CTNNA3: variants seen among roughly 807,000 people sequenced by gnomAD.
CTNNA3 encodes the protein catenin alpha 3, also known as catenin alpha-3.
A neutral mutation model predicts 95.7 loss-of-function variants in CTNNA3; 76 were observed. That is an observed-to-expected ratio of 0.79 (90% confidence interval 0.66 to 0.96). CTNNA3 has a LOEUF of 0.96. Ranked by LOEUF, CTNNA3 falls within the 40% of genes least tolerant of loss-of-function variation. CTNNA3 has a pLI of 0.00. For missense variants in CTNNA3, 1,191 were observed against 1,089.8 expected, an observed-to-expected ratio of 1.09 and a Z score of -1.31; for synonymous variants, 431 against 374.4, an observed-to-expected ratio of 1.15 and a Z score of -1.74.
At chr10:65,952,863 C>A (rs901293814) in intron 17 of CTNNA3, among the ~76,000 whole-genome samples, 2 of 152,114 alleles carry the variant, frequency 1.3e-5, no homozygotes, top group African/African-American at 4.8e-5. Flanking sequence ...TATTTATCAT[C>A]CAGTTTTTTA....
chr10:67,699,739 T>C (rs1443326290), upstream of CTNNA3, among the ~76,000 whole-genome samples: 1 of 152,102 alleles, frequency 6.6e-6, no homozygotes, highest in Non-Finnish European at 1.5e-5. Context: ...AGGTACCAGG[T>C]TCATCTCACT....
chr10:66,939,624 T>C (rs1261497454), intron 7 of CTNNA3, among the ~76,000 whole-genome samples: 1 of 152,204 alleles, frequency 6.6e-6, no homozygotes, highest in East Asian at 1.9e-4. Context: ...AATTACAATT[T>C]GTAAGGTAGG....
At chr10:67,036,348 C>T (rs1447637257) in intron 7 of CTNNA3, among the ~76,000 whole-genome samples, 3 of 151,496 alleles carry the variant, frequency 2.0e-5, no homozygotes, top group Non-Finnish European at 4.4e-5. Flanking sequence ...CGGCTCACTG[C>T]AATCTCTCCC....
intron 7 of CTNNA3, among the ~76,000 whole-genome samples, chr10:66,785,481 CCAG>C (rs1287983445): frequency 5.9e-5 from 9 of 152,258 alleles, no homozygotes; most frequent in African/African-American, 2.2e-4. Context: ...TCTCTCTTCT[CCAG>C]CTGTGACATG....
chr10:67,728,276 A>C (rs1841255454), intron 1 of CTNNA3, among the ~76,000 whole-genome samples: 1 of 149,064 alleles, frequency 6.7e-6, no homozygotes, highest in Non-Finnish European at 1.5e-5. Flanking sequence ...CAACATGGTG[A>C]AACCCCATCT....
At chr10:66,659,526 C>T (rs991906571) in intron 9 of CTNNA3, among the ~76,000 whole-genome samples, 3 of 152,012 alleles carry the variant, frequency 2.0e-5, no homozygotes, top group African/African-American at 4.8e-5. Flanking sequence ...ATTTAAATGC[C>T]GAAAGTGGAG....
At chr10:66,597,329 A>G (rs1229319208) in intron 10 of CTNNA3, among the ~76,000 whole-genome samples, 3 of 151,338 alleles carry the variant, frequency 2.0e-5, no homozygotes, top group Non-Finnish European at 4.4e-5. Flanking sequence ...AAGGATTCAT[A>G]AAAAAGCCTT....
intron 7 of CTNNA3, among the ~76,000 whole-genome samples, chr10:66,975,645 C>A (rs1421173998): frequency 1.3e-5 from 2 of 152,134 alleles, no homozygotes; most frequent in Non-Finnish European, 2.9e-5. Flanking sequence ...TATAACTTTT[C>A]AGGATTAGTG....
intron 15 of CTNNA3, among the ~76,000 whole-genome samples, chr10:66,001,335 C>T (rs555249513): frequency 3.0e-4 from 45 of 152,272 alleles, no homozygotes; most frequent in African/African-American, 9.1e-4. Flanking sequence ...TGCCATGCTA[C>T]ATGGGAGATT....
intron 13 of CTNNA3, 35 bp downstream of exon 13, chr10:66,280,435 T>C (rs760720976): frequency 6.3e-7 from 1 of 1,576,922 alleles, no homozygotes; most frequent in Non-Finnish European, 8.6e-7. Context: ...GTGAAGAACA[T>C]TGCAATAATT....
At position 66,182,299 on chromosome 10, in the gene CTNNA3, A is replaced by C. The variant is rs2086086108; in HGVS notation, c.1885-79050T>G. 1.4e-5 allele frequency among the ~76,000 whole-genome samples: 2 copies of C among 142,284 alleles called. 1 individual carries two copies. Among genetic ancestry groups the C allele is most frequent in the African/African-American group, 5.3e-5 (2 of 37,970 alleles). The allele number at this position is 142,284 out of a possible 152,430, so 93.3% of individuals were successfully genotyped here. A position where few individuals can be genotyped will look rare whatever the true frequency, so the allele number is the denominator to read the frequency against. ...GAGACGGAGTCTCGCTCTATCGCCC[A>C]GGCTGGAGTGCAGTGGCGCGATCTT... On this transcript the variant is annotated intron_variant, in intron 13 of 17. Coordinates refer to ENST00000433211, the MANE Select transcript of CTNNA3 (RefSeq NM_013266.4).
chr10:66,356,164 T>C (rs921940793), intron 12 of CTNNA3, among the ~76,000 whole-genome samples: 1 of 150,944 alleles, frequency 6.6e-6, no homozygotes, highest in African/African-American at 2.4e-5. Context: ...TCCTTTGCCT[T>C]TCCATATAAA....
At chr10:66,100,290 A>G (rs2081567706) in intron 14 of CTNNA3, among the ~76,000 whole-genome samples, 1 of 152,140 alleles carries the variant, frequency 6.6e-6, no homozygotes, top group South Asian at 2.1e-4. Context: ...GAGTTGCTCT[A>G]TGTGGGGTTC....
chr10:66,578,932 C>G (rs1016734206), intron 10 of CTNNA3, among the ~76,000 whole-genome samples: 7 of 149,244 alleles, frequency 4.7e-5, no homozygotes, highest in African/African-American at 1.7e-4. Context: ...TTTTGTATGT[C>G]TGGTAGAATT....
intron 1 of CTNNA3, among the ~76,000 whole-genome samples, chr10:67,671,069 C>T (rs1840422764): frequency 6.6e-6 from 1 of 152,100 alleles, no homozygotes; most frequent in Non-Finnish European, 1.5e-5. Flanking sequence ...TAGTCCCAAC[C>T]TTATTCTCCC....
chr10:66,267,118 T>C (rs535162570), intron 13 of CTNNA3, among the ~76,000 whole-genome samples: 8 of 152,216 alleles, frequency 5.3e-5, no homozygotes, highest in African/African-American at 1.4e-4. Flanking sequence ...ATCCCAACCA[T>C]ACAGGATGAA....
intron 5 of CTNNA3, among the ~76,000 whole-genome samples, chr10:67,310,767 C>G (rs982250950): frequency 4.6e-5 from 7 of 152,100 alleles, no homozygotes; most frequent in African/African-American, 1.4e-4. Flanking sequence ...GGCACAAGAA[C>G]AGCATGAGGG....
intron 1 of CTNNA3, among the ~76,000 whole-genome samples, chr10:67,650,850 A>C (rs1839858210): frequency 6.6e-6 from 1 of 152,144 alleles, no homozygotes; most frequent in Non-Finnish European, 1.5e-5. Context: ...CCAGTGGAAA[A>C]CTATTCATTT....
chr10:67,168,962 C>T (rs1183553552), intron 7 of CTNNA3, among the ~76,000 whole-genome samples: 5 of 152,096 alleles, frequency 3.3e-5, no homozygotes, highest in Non-Finnish European at 5.9e-5. Flanking sequence ...AATTGACTTA[C>T]AAAAATCACT....
Sources: allele counts gnomAD v4.1 joint callset (sites outside exome capture counted in the v4.1 genomes callset), GRCh38; gene constraint gnomAD v4.1.1; transcripts MANE v1.5; gene names NCBI Gene and HGNC (gene_info 2026-07-23, HGNC 2026-07-21).